The following MAP4 variants were observed in gnomAD, a reference collection of about 807,000 sequenced individuals.
The protein encoded by MAP4 is microtubule-associated protein 4.
MAP4 carries 76 observed loss-of-function variants against 170.2 expected under a neutral mutation model. The observed-to-expected ratio is 0.45, with a 90% CI of 0.37 to 0.54. MAP4 has a LOEUF of 0.54. MAP4 is among the 20% of genes least tolerant of loss of function. MAP4 has a pLI of 0.00. For synonymous variants in MAP4, 909 were observed against 994.5 expected (o/e 0.91, Z 1.62); for missense variants, 2,506 against 2,748.0 (o/e 0.91, Z 1.97).
chr3:47,883,449 T>C (rs907526743), intron 10 of MAP4, among the ~76,000 whole-genome samples: 1 of 152,166 alleles, frequency 6.6e-6, no homozygotes, highest in East Asian at 1.9e-4. Flanking sequence ...GGTCTCGAAC[T>C]CCCGACCTCA....
chr3:47,863,548 C>CT (rs2072454976), intron 17 of MAP4, among the ~76,000 whole-genome samples: 1 of 152,082 alleles, frequency 6.6e-6, no homozygotes, highest in East Asian at 1.9e-4. Flanking sequence ...ATCACGGCAT[C>CT]ACACACCTTG....
In MAP4 at chr3:47,910,297, G is replaced by A; in HGVS notation, c.4124C>T (p.Ser1375Phe). The A allele has an allele frequency of 1.9e-6, 3 of 1,588,460 alleles. No individual in the cohort carries two copies. Among genetic ancestry groups the A allele is most frequent in the Non-Finnish European group, 1.7e-6 (2 of 1,172,406 alleles). ...DGKSKKVKNSSPEKHILENKI... is the reference protein window; with the variant it reads ...DGKSKKVKNSFPEKHILENKI... ...ATTCTCCAGAATGTGCTTCTCAGGAGAACTATTTTTAACCTTTTTACTTTT... is the reference window on the plus strand; with the variant it reads ...ATTCTCCAGAATGTGCTTCTCAGGAAAACTATTTTTAACCTTTTTACTTTT... Residue 1375 changes from serine (S) to phenylalanine (F), a missense_variant, in exon 9 of 21, where the codon TCT (serine) becomes TTT (phenylalanine). Physicochemically the swap from Ser to Phe is radical, Grantham distance 155. This residue lies in a region of MAP4 where 2,008 missense variants were observed against 2,206.0 expected (regional missense o/e 0.91). Coordinates refer to ENST00000683076, the MANE Select transcript of MAP4 (RefSeq NM_001385682.1).
At chr3:48,047,170 G>A (rs2100125080) in intron 1 of MAP4, among the ~76,000 whole-genome samples, 1 of 151,614 alleles carries the variant, frequency 6.6e-6, no homozygotes, top group Non-Finnish European at 1.5e-5. Flanking sequence ...TTGTTATGAG[G>A]GATGGCAAGT....
At chr3:47,888,974 A>G (rs2098128816) in intron 10 of MAP4, among the ~76,000 whole-genome samples, 1 of 152,232 alleles carries the variant, frequency 6.6e-6, no homozygotes, top group Non-Finnish European at 1.5e-5. Flanking sequence ...TTGTCAGTAT[A>G]GACAAAGACA....
intron 1 of MAP4, among the ~76,000 whole-genome samples, chr3:48,051,105 C>CA (rs2100127589): frequency 7.5e-6 from 1 of 133,328 alleles, no homozygotes; most frequent in Non-Finnish European, 1.8e-5. Flanking sequence ...CACACACACA[C>CA]ACACACACAC....
chr3:47,928,240 G>A lies in MAP4; in HGVS notation c.403C>T (p.Pro135Ser), dbSNP rs76535647. 1,278 of 1,614,176 alleles carry A rather than the reference G, an allele frequency of 7.9e-4. 13 individuals are homozygous for A. The African/African-American group carries it at 0.016, about 20-fold the overall frequency. The change falls in exon 4 of 21, where the codon CCT (proline) becomes TCT (serine). Residue 135 changes from proline to serine, a missense_variant. By Grantham distance (74) the Pro-to-Ser change is moderately conservative. This residue lies in a region of MAP4 where 2,008 missense variants were observed against 2,206.0 expected (regional missense o/e 0.91). Transcript: ENST00000683076. ...AGCCAACACTTACCAGTCTGGATAG[G>A]ATCGACCACTTGCTCAGGTTGGAAA... ...FCFQPEQVVD[P>S]IQTDPFKMYH...
intron 1 of MAP4, among the ~76,000 whole-genome samples, chr3:48,033,552 A>G (rs2100117241): frequency 1.3e-5 from 2 of 152,198 alleles, no homozygotes; most frequent in African/African-American, 4.8e-5. Context: ...TTTAAAGTAC[A>G]TTATGATTTC....
intron 3 of MAP4, among the ~76,000 whole-genome samples, chr3:47,966,587 C>T (rs1426841561): frequency 6.6e-6 from 1 of 151,920 alleles, no homozygotes; most frequent in Admixed American, 6.6e-5. Flanking sequence ...TCCTATAGTG[C>T]CTAGGCTGGT....
chr3:47,945,672 C>T (rs1042295141), intron 3 of MAP4, among the ~76,000 whole-genome samples: 1 of 151,902 alleles, frequency 6.6e-6, no homozygotes, highest in African/African-American at 2.4e-5. Context: ...CTTTGTTCTA[C>T]TGAATTTTAT....
chr3:47,930,229 A>G (rs1378632764), intron 3 of MAP4, among the ~76,000 whole-genome samples: 2 of 151,744 alleles, frequency 1.3e-5, no homozygotes, highest in African/African-American at 4.8e-5. Flanking sequence ...GTGGATCATG[A>G]GGTCAGGAGA....
At chr3:47,972,103 C>A (rs1303238841) in intron 3 of MAP4, among the ~76,000 whole-genome samples, 1 of 152,064 alleles carries the variant, frequency 6.6e-6, no homozygotes, top group Non-Finnish European at 1.5e-5. Context: ...AAAATGTCTG[C>A]CAAGCTTAAA....
intron 1 of MAP4, among the ~76,000 whole-genome samples, chr3:48,085,916 G>C (rs950291404): frequency 6.6e-6 from 1 of 152,176 alleles, no homozygotes; most frequent in Non-Finnish European, 1.5e-5. Context: ...GCCAGGCGTG[G>C]TGGCACGTGC....
At chr3:48,012,965 ACTGTT>A (rs1409465901) in intron 1 of MAP4, among the ~76,000 whole-genome samples, 1 of 92,544 alleles carries the variant, frequency 1.1e-5, no homozygotes, top group African/African-American at 3.0e-5. Flanking sequence ...AAGTTAAAGT[ACTGTT>A]GTTTTTTTTT....
At chr3:47,887,953 G>C (rs1288695195) in intron 10 of MAP4, among the ~76,000 whole-genome samples, 1 of 151,830 alleles carries the variant, frequency 6.6e-6, no homozygotes, top group East Asian at 1.9e-4. Flanking sequence ...GTATCTAGCT[G>C]CTCTGGTGGG....
chr3:47,891,577 A>C (rs1177319308), intron 10 of MAP4: 6 of 1,533,776 alleles, frequency 3.9e-6, no homozygotes, highest in Non-Finnish European at 5.2e-6. Context: ...CTGAGAGGTG[A>C]GAACATTCAG....
chr3:48,002,194 T>C (rs944408129), intron 1 of MAP4, among the ~76,000 whole-genome samples: 3 of 151,070 alleles, frequency 2.0e-5, no homozygotes, highest in African/African-American at 7.3e-5. Flanking sequence ...GGAGCCACGA[T>C]TGCATCACTG....
intron 10 of MAP4, among the ~76,000 whole-genome samples, chr3:47,901,847 G>A (rs1285407148): frequency 2.0e-5 from 3 of 152,116 alleles, no homozygotes; most frequent in Non-Finnish European, 4.4e-5. Context: ...GAATATGAGG[G>A]GAAGAAGCTT....
At chr3:48,038,593 G>A (rs991170694) in intron 1 of MAP4, among the ~76,000 whole-genome samples, 3 of 151,546 alleles carry the variant, frequency 2.0e-5, no homozygotes, top group Admixed American at 6.6e-5. Flanking sequence ...CCCAAGCAGC[G>A]GGGACTACAG....
intron 4 of MAP4, among the ~76,000 whole-genome samples, chr3:47,927,664 A>G (rs1199986654): frequency 1.3e-5 from 2 of 152,128 alleles, no homozygotes; most frequent in African/African-American, 2.4e-5. Flanking sequence ...TAGTAGAGAC[A>G]GCGTTTCTCC....
Sources: allele counts gnomAD v4.1 joint callset (sites outside exome capture counted in the v4.1 genomes callset), GRCh38; gene constraint gnomAD v4.1.1; regional missense constraint gnomAD v4.1.1; transcripts MANE v1.5; gene names NCBI Gene and HGNC (gene_info 2026-07-23, HGNC 2026-07-21).